DAB1: variants seen among roughly 807,000 people sequenced by gnomAD.
DAB1 encodes disabled homolog 1.
In DAB1, 15 loss-of-function variants were observed where a neutral mutation model predicts 64.6. That is an observed-to-expected ratio of 0.23 (90% CI 0.16 to 0.36). The LOEUF is 0.36. DAB1 is among the 10% of genes least tolerant of loss of function. DAB1 has a pLI of 1.00. For synonymous variants in DAB1, 235 were observed against 251.9 expected (o/e 0.93, Z 0.64); for missense variants, 596 against 706.7 (o/e 0.84, Z 1.78).
chr1:57,240,159 T>G (rs1668396379), intron 2 of DAB1, among the ~76,000 whole-genome samples: 1 of 152,182 alleles, frequency 6.6e-6, no homozygotes, highest in Non-Finnish European at 1.5e-5. Context: ...TGCTGAGCAT[T>G]TCCTAAATCC....
At chr1:57,592,499 C>T (rs1237301639) in intron 7 of DAB1, among the ~76,000 whole-genome samples, 1 of 151,850 alleles carries the variant, frequency 6.6e-6, no homozygotes, top group Non-Finnish European at 1.5e-5. Context: ...CTTGATATGA[C>T]TGATGAAATT....
At chr1:57,937,165 G>A (rs1285811787) in intron 5 of DAB1, among the ~76,000 whole-genome samples, 2 of 152,038 alleles carry the variant, frequency 1.3e-5, no homozygotes, top group Non-Finnish European at 2.9e-5. Flanking sequence ...GTATTTATAA[G>A]AGGCACAAAT....
chr1:57,565,335 A>G (rs555948661), intron 7 of DAB1, among the ~76,000 whole-genome samples: 18 of 152,342 alleles, frequency 1.2e-4, no homozygotes, highest in Admixed American at 2.6e-4. Flanking sequence ...AATTGTAAAG[A>G]CCATTGATGC....
chr1:57,969,535 G>C (rs1645747804), intron 5 of DAB1, among the ~76,000 whole-genome samples: 1 of 152,088 alleles, frequency 6.6e-6, no homozygotes, highest in Non-Finnish European at 1.5e-5. Context: ...ATTTAAAAAT[G>C]ACACTATACT....
intron 5 of DAB1, among the ~76,000 whole-genome samples, chr1:57,935,034 G>A (rs1391404100): frequency 6.6e-6 from 1 of 152,148 alleles, no homozygotes; most frequent in Non-Finnish European, 1.5e-5. Flanking sequence ...TTCCATCTCT[G>A]GAAGTTAAAC....
chr1:58,118,924 G>A (rs915741371), intron 5 of DAB1, among the ~76,000 whole-genome samples: 4 of 151,808 alleles, frequency 2.6e-5, no homozygotes, highest in Non-Finnish European at 2.9e-5. Context: ...TGATGGAAAT[G>A]TTCCATCCAG....
At chr1:57,881,725 G>A (rs565494362) in intron 1 of DAB1, among the ~76,000 whole-genome samples, 1 of 152,238 alleles carries the variant, frequency 6.6e-6, no homozygotes, top group South Asian at 2.1e-4. Flanking sequence ...ATGTGTGGGG[G>A]ATGATGGGTG....
chr1:58,529,345 G>A (rs1316210709), intron 1 of DAB1, among the ~76,000 whole-genome samples: 1 of 152,144 alleles, frequency 6.6e-6, no homozygotes, highest in Non-Finnish European at 1.5e-5. Flanking sequence ...CCTGGGACAA[G>A]AGGAAATATT....
intron 7 of DAB1, among the ~76,000 whole-genome samples, chr1:57,437,484 G>A (rs908009017): frequency 3.9e-5 from 6 of 152,170 alleles, no homozygotes; most frequent in South Asian, 2.1e-4. Flanking sequence ...TAATTATACT[G>A]TGCAATTTTC....
intron 7 of DAB1, among the ~76,000 whole-genome samples, chr1:57,647,090 T>C (rs1420164660): frequency 2.0e-5 from 3 of 152,162 alleles, no homozygotes; most frequent in Admixed American, 6.5e-5. Context: ...TAGGGAACAC[T>C]CTGAAGTGTG....
Position 58,217,148 on chromosome 1 carries a change from A to G in DAB1, n.310-66560T>C, listed in dbSNP as rs914545956. On this transcript the variant is annotated intron_variant and non_coding_transcript_variant, in intron 4 of 20. Coordinates refer to the DAB1 transcript ENST00000485760. ...GATACTTTCTATACATTAATTCCCC[A>G]AATAGCCCCAGGTGTTTCTGCCTGC... is the stretch of plus-strand genomic sequence containing the variant. 3.3e-5 allele frequency among the ~76,000 whole-genome samples: 5 copies of G among 152,222 alleles called. No homozygotes were observed. The East Asian group carries it at 9.6e-4, about 29-fold the overall frequency.
At chr1:57,832,550 T>C (rs1479867104) in intron 1 of DAB1, among the ~76,000 whole-genome samples, 3 of 152,222 alleles carry the variant, frequency 2.0e-5, no homozygotes, top group African/African-American at 7.2e-5. Context: ...TACTTATTTC[T>C]TGCCTTGCTG....
chr1:57,144,099 A>G (rs554498167), intron 3 of DAB1, among the ~76,000 whole-genome samples: 10 of 151,976 alleles, frequency 6.6e-5, no homozygotes, highest in African/African-American at 2.2e-4. Flanking sequence ...ATTATACACA[A>G]AAATATTGAC....
rs201131373 is a variant in DAB1 at position 57,538,533 on chromosome 1, GT to G, written n.625+111058del. 6.7e-3 allele frequency among the ~76,000 whole-genome samples: 1,015 copies of G among 152,292 alleles called. 9 individuals are homozygous for G. Among genetic ancestry groups the G allele is most frequent in the African/African-American group, 0.024 (979 of 41,560 alleles). ...CACACCAACCCCTTTTACTCTGAAG[GT>G]TGAAGAAATGCAAGCTTTAGACAAG... On this transcript the variant is annotated intron_variant and non_coding_transcript_variant, in intron 7 of 20. Transcript: ENST00000485760.
rs1028531427 is a variant in DAB1, at chr1:58,452,130, C to T, written n.257+53930G>A. ...GTGTTTTTAGTTGAGAGGGGGGTTTCGCCACGTTGGTCAGGCTGGTCTCGA... is the reference window on the plus strand; with the variant it reads ...GTGTTTTTAGTTGAGAGGGGGGTTTTGCCACGTTGGTCAGGCTGGTCTCGA... On this transcript the variant is annotated intron_variant and non_coding_transcript_variant, in intron 3 of 20. Coordinates refer to the DAB1 transcript ENST00000485760. 5.3e-5 allele frequency among the ~76,000 whole-genome samples: 8 copies of T among 149,554 alleles called. No homozygotes were observed. In the East Asian group the frequency reaches 6.2e-4, roughly 12 times the overall value.
intron 6 of DAB1, among the ~76,000 whole-genome samples, chr1:57,774,079 T>A (rs1649684823): frequency 2.0e-5 from 3 of 151,794 alleles, no homozygotes; most frequent in Non-Finnish European, 4.4e-5. Flanking sequence ...GAATCATGAG[T>A]TAATCTGGGG....
intron 7 of DAB1, among the ~76,000 whole-genome samples, chr1:57,570,829 G>T (rs1570637944): frequency 6.6e-6 from 1 of 152,200 alleles, no homozygotes; most frequent in East Asian, 1.9e-4. Context: ...CCATCCATGA[G>T]CATGGGATGT....
chr1:57,267,523 G>A (rs1811699), intron 2 of DAB1, among the ~76,000 whole-genome samples: 63,078 of 151,982 alleles, frequency 0.42, 13,270 homozygotes, highest in South Asian at 0.52. Context: ...CATACTGTCT[G>A]TGGTATCATA....
chr1:58,165,019 G>T (rs1035859747), intron 4 of DAB1, among the ~76,000 whole-genome samples: 9 of 152,166 alleles, frequency 5.9e-5, no homozygotes, highest in African/African-American at 2.2e-4. Flanking sequence ...AGGAAGCATA[G>T]TTCTGGCCAC....
Sources: gnomAD v4.1 joint callset for allele counts (sites outside exome capture counted in the v4.1 genomes callset) on GRCh38, gnomAD v4.1.1 for gene constraint, MANE v1.5 for transcripts, NCBI Gene and HGNC (gene_info 2026-07-23, HGNC 2026-07-21) for gene names.